Variants in PPARG observed in about 807,000 individuals in gnomAD.
PPARG encodes peroxisome proliferator activated receptor gamma, also known as peroxisome proliferator-activated receptor gamma.
In PPARG, 17 loss-of-function variants were observed where a neutral mutation model predicts 39.2. The observed-to-expected ratio is 0.43, with a 90% CI of 0.30 to 0.65. The LOEUF (loss-of-function observed/expected upper bound fraction) is 0.65, where lower values mean the gene tolerates loss of function less well. Among genes scored for constraint, PPARG ranks in the 30% least tolerant of loss-of-function variants. The pLI is 0.13. For missense variants in PPARG, 406 were observed against 585.9 expected, an observed-to-expected ratio of 0.69 and a Z score of 3.17; for synonymous variants, 223 against 215.7, an observed-to-expected ratio of 1.03 and a Z score of -0.30.
chr3:12,388,422 C>G (rs560511915), intron 4 of PPARG, among the ~76,000 whole-genome samples: 4 of 152,180 alleles, frequency 2.6e-5, no homozygotes, highest in Non-Finnish European at 4.4e-5. Flanking sequence ...CAGTGGTGAG[C>G]ATTGCCCCAA....
At chr3:12,331,439 A>G (rs1396630059) in intron 2 of PPARG, among the ~76,000 whole-genome samples, 2 of 152,196 alleles carry the variant, frequency 1.3e-5, no homozygotes. Context: ...ATTTAAATGG[A>G]GAAAAGGAAT....
At chr3:12,356,047 A>G (rs369000461) in intron 2 of PPARG, among the ~76,000 whole-genome samples, 22 of 152,334 alleles carry the variant, frequency 1.4e-4, no homozygotes, top group Admixed American at 5.2e-4. Context: ...TAGATCAACA[A>G]AAGTGATACA....
At chr3:12,417,902 CTTTTTTTTTTT>C (rs869086237) in intron 7 of PPARG, among the ~76,000 whole-genome samples, 4 of 65,900 alleles carry the variant, frequency 6.1e-5, no homozygotes, top group Non-Finnish European at 8.2e-5. Flanking sequence ...TTTTTTTTTC[CTTTTTTTTTTT>C]TTTTTTTTTT....
At chr3:12,318,594 T>G (rs1054503820) in intron 2 of PPARG, among the ~76,000 whole-genome samples, 1 of 152,234 alleles carries the variant, frequency 6.6e-6, no homozygotes, top group South Asian at 2.1e-4. Context: ...AAAAAGATTA[T>G]GGGTGAAACT....
At chr3:12,356,428 G>T (rs1216794875) in intron 2 of PPARG, among the ~76,000 whole-genome samples, 1 of 152,184 alleles carries the variant, frequency 6.6e-6, no homozygotes, top group Non-Finnish European at 1.5e-5. Context: ...GCCAACACAA[G>T]ATCGAGGTTC....
chr3:12,336,953 G>GCAAT (rs1345840929), intron 2 of PPARG, among the ~76,000 whole-genome samples: 5 of 152,182 alleles, frequency 3.3e-5, no homozygotes, highest in African/African-American at 7.2e-5. Context: ...TTGGAGTTTA[G>GCAAT]CAATCAATCA....
chr3:12,358,339 C>T (rs1350636637), intron 2 of PPARG, among the ~76,000 whole-genome samples: 1 of 152,148 alleles, frequency 6.6e-6, no homozygotes, highest in Non-Finnish European at 1.5e-5. Context: ...ATATGAAGCA[C>T]TTAAAGTATT....
At chr3:12,409,716 A>C (rs764958813) in intron 6 of PPARG, among the ~76,000 whole-genome samples, 1 of 152,180 alleles carries the variant, frequency 6.6e-6, no homozygotes, top group Non-Finnish European at 1.5e-5. Flanking sequence ...GGGGGAGGCT[A>C]CTCAGAATAG....
intron 1 of PPARG, among the ~76,000 whole-genome samples, chr3:12,308,359 A>G (rs1574963289): frequency 6.7e-6 from 1 of 149,722 alleles, no homozygotes; most frequent in African/African-American, 2.5e-5. Context: ...AAAAAAAAAA[A>G]AAAAAAAAAA....
chr3:12,288,571 T>G (rs1018720684), upstream of PPARG, among the ~76,000 whole-genome samples: 1 of 151,926 alleles, frequency 6.6e-6, no homozygotes, highest in African/African-American at 2.4e-5. Flanking sequence ...CGTGCGTCCG[T>G]CCTGAGGCCG....
intron 2 of PPARG, among the ~76,000 whole-genome samples, chr3:12,346,115 A>G (rs570491908): frequency 6.6e-6 from 1 of 152,330 alleles, no homozygotes; most frequent in African/African-American, 2.4e-5. Flanking sequence ...TGATCCCTAG[A>G]AAGTGGTTAA....
chr3:12,414,096 C>T (rs1217180346), intron 6 of PPARG, among the ~76,000 whole-genome samples: 2 of 152,080 alleles, frequency 1.3e-5, no homozygotes, highest in Non-Finnish European at 2.9e-5. Context: ...GGGCATAGTT[C>T]CAGATAAATC....
chr3:12,420,159 C>A (rs2051213021), intron 7 of PPARG, among the ~76,000 whole-genome samples: 1 of 152,174 alleles, frequency 6.6e-6, no homozygotes, highest in Non-Finnish European at 1.5e-5. Flanking sequence ...CGAAGGGAAG[C>A]ATTTGAAATG....
At chr3:12,380,751 A>T (rs185804059) in intron 3 of PPARG, among the ~76,000 whole-genome samples, 3 of 152,314 alleles carry the variant, frequency 2.0e-5, no homozygotes, top group East Asian at 3.9e-4. Flanking sequence ...GGTAGGGCTT[A>T]CTTCCATAAG....
Position 12,381,506 on chromosome 3 carries a change from A to AT in PPARG, c.390+15_390+16insT. 1 of 1,611,272 alleles carries AT rather than the reference A, an allele frequency of 6.2e-7. No individual in the cohort carries two copies. The highest frequency in any genetic ancestry group is 1.7e-5 in the Admixed American group (1 of 59,864). ...AAGGATGCAAGGTAATTAAAAAAAA[A>AT]GTCTTCAAAGAAATTGTTGAAACTT... On this transcript the variant is annotated intron_variant, in intron 4 of 7. Coordinates refer to ENST00000651735, the MANE Select transcript of PPARG (RefSeq NM_138711.6).
chr3:12,343,522 G>A (rs1400392540), intron 2 of PPARG, among the ~76,000 whole-genome samples: 1 of 152,106 alleles, frequency 6.6e-6, no homozygotes, highest in Non-Finnish European at 1.5e-5. Flanking sequence ...GACTTCGCAG[G>A]GTTGAGGGCC....
upstream of PPARG, chr3:12,287,745 C>A (rs1223148114): frequency 6.7e-6 from 1 of 150,148 alleles, no homozygotes; most frequent in Admixed American, 6.6e-5. Flanking sequence ...CTACTGTGCG[C>A]GGGCGGCGGC....
At chr3:12,288,472 C>T (rs965544551), upstream of PPARG, among the ~76,000 whole-genome samples, 3 of 152,024 alleles carry the variant, frequency 2.0e-5, no homozygotes, top group Non-Finnish European at 2.9e-5. Flanking sequence ...CGGGGACCTC[C>T]GCGTCCCCGG....
intron 2 of PPARG, among the ~76,000 whole-genome samples, chr3:12,328,981 G>A (rs933484621): frequency 1.3e-5 from 2 of 152,136 alleles, no homozygotes; most frequent in African/African-American, 4.8e-5. Context: ...GATGGACGCC[G>A]TAATCCTGAG....
Sources: allele counts gnomAD v4.1 joint callset (sites outside exome capture counted in the v4.1 genomes callset), GRCh38; gene constraint gnomAD v4.1.1; transcripts MANE v1.5; gene names NCBI Gene and HGNC (gene_info 2026-07-23, HGNC 2026-07-21).